Variants in WNT2B observed in about 807,000 individuals in gnomAD.
WNT2B encodes protein Wnt-2b.
WNT2B carries 19 observed loss-of-function variants against 40.5 expected under a neutral mutation model. That is an observed-to-expected ratio of 0.47 (90% confidence interval 0.33 to 0.69). The LOEUF (loss-of-function observed/expected upper bound fraction) is 0.69, where lower values mean the gene tolerates loss of function less well. WNT2B is among the 30% of genes least tolerant of loss of function. WNT2B has a pLI of 0.02. For synonymous variants in WNT2B, 220 were observed against 211.9 expected, an observed-to-expected ratio of 1.04 and a Z score of -0.33; for missense variants, 467 against 556.4, an observed-to-expected ratio of 0.84 and a Z score of 1.62.
rs1329298221 is a variant in WNT2B at position 112,516,258 on chromosome 1, C to G, written c.522C>G (p.Gly174=). 36 of 1,613,978 alleles carry G rather than the reference C, an allele frequency of 2.2e-5. No homozygotes were observed. Among genetic ancestry groups the G allele is most frequent in the Middle Eastern group, 1.6e-4 (1 of 6,084 alleles). The part of the protein sequence containing the change: ...SVCSCDPYTR[G]RHHDQRGDFD... ...GCAGCTGTGACCCCTACACCCGTGGCCGACACCATGACCAGCGTGGGGACT... is the reference window on the plus strand; with the variant it reads ...GCAGCTGTGACCCCTACACCCGTGGGCGACACCATGACCAGCGTGGGGACT... Residue 174 remains glycine, a synonymous_variant, in exon 3 of 5, where the codon GGC becomes GGG. Coordinates refer to ENST00000369684, the MANE Select transcript of WNT2B (RefSeq NM_024494.3).
chr1:112,491,007 C>T, intron 1 of WNT2B: 3 of 1,613,992 alleles, frequency 1.9e-6, no homozygotes, highest in Non-Finnish European at 2.5e-6. Context: ...TCTTTTCCGA[C>T]CAGACTGAAG....
intron 1 of WNT2B, among the ~76,000 whole-genome samples, chr1:112,474,144 C>T (rs549062790): frequency 1.3e-4 from 19 of 151,474 alleles, no homozygotes; most frequent in African/African-American, 3.6e-4. Flanking sequence ...AAAGAGAATG[C>T]TTTTTTATTT....
At chr1:112,474,591 A>G (rs372576552) in intron 1 of WNT2B, among the ~76,000 whole-genome samples, 3 of 152,246 alleles carry the variant, frequency 2.0e-5, no homozygotes, top group African/African-American at 7.2e-5. Context: ...GAGGAAAAAA[A>G]CTGTCAACCT....
chr1:112,480,427 A>G (rs1651192277), intron 1 of WNT2B, among the ~76,000 whole-genome samples: 1 of 152,068 alleles, frequency 6.6e-6, no homozygotes. Flanking sequence ...AAAGATGTAT[A>G]AAGGACTATT....
chr1:112,489,609 A>G (rs1024646340), intron 1 of WNT2B, among the ~76,000 whole-genome samples: 1 of 152,100 alleles, frequency 6.6e-6, no homozygotes, highest in Non-Finnish European at 1.5e-5. Context: ...AGTCCATTGC[A>G]TTATTCCCAG....
At chr1:112,488,680 T>A (rs1285156633) in intron 1 of WNT2B, among the ~76,000 whole-genome samples, 5 of 151,626 alleles carry the variant, frequency 3.3e-5, no homozygotes, top group Non-Finnish European at 7.4e-5. Flanking sequence ...GCCTCCCGAG[T>A]AGCTGGGACT....
chr1:112,484,290 T>TATATATATATAC lies in WNT2B; in HGVS notation c.-95+16700_-95+16701insTATATATATACA, dbSNP rs1294363726. ...ATATACACATATATATATATATATATACACACACATATATATAGAGAGAGA... is the reference window on the plus strand; with the variant it reads ...ATATACACATATATATATATATATATATATATATATACACACACACATATATATAGAGAGAGA... On this transcript the variant is annotated intron_variant, in intron 1 of 4. Coordinates refer to the WNT2B transcript ENST00000256640. Among the ~76,000 whole-genome samples, 223 of 125,794 alleles carry TATATATATATAC rather than the reference T, an allele frequency of 1.8e-3. 5 individuals carry two copies. The highest frequency in any genetic ancestry group is 8.0e-3 in the Middle Eastern group (2 of 250). 82.5% of individuals were successfully genotyped at this position (125,794 alleles called of 152,430 possible). A position where few individuals can be genotyped will look rare whatever the true frequency, so the allele number is the denominator to read the frequency against.
rs1185311044 is a variant in WNT2B at position 112,515,254 on chromosome 1, C to T, written c.403+160C>T. Among the ~76,000 whole-genome samples, 4 of 152,220 alleles carry T rather than the reference C, an allele frequency of 2.6e-5. No homozygotes were observed. Among genetic ancestry groups the T allele is most frequent in the Non-Finnish European group, 2.9e-5 (2 of 68,048 alleles). On this transcript the variant is annotated intron_variant, in intron 2 of 4. Transcript: ENST00000369684. The surrounding 1 kb of genome is among the most constrained non-coding windows in gnomAD (Gnocchi z 4.4). ...CCCAGGATATAATTGGGAACAGACT[C>T]TTAGCATCTTAGATTTGTAGACAGG... is the stretch of plus-strand genomic sequence containing the variant.
Position 112,522,920 on chromosome 1 carries a change from T to A in WNT2B, c.*2411T>A, listed in dbSNP as rs140121447. On this transcript the variant is annotated 3_prime_UTR_variant, in exon 5 of 5. Transcript: ENST00000369684. Reference sequence around the variant, plus strand: ...TGGGAGGGGAAGAGAACAGCTGACATCTTGAGGAAAGCTTTGGGGTAGTGG... The same window carrying A: ...TGGGAGGGGAAGAGAACAGCTGACAACTTGAGGAAAGCTTTGGGGTAGTGG... The A allele has an allele frequency of 1.3e-5, 2 of 152,080 alleles. No individual in the cohort carries two copies. The highest frequency in any genetic ancestry group is 2.9e-5 in the Non-Finnish European group (2 of 68,034). The allele number at this position is 152,080 out of a possible 1,614,324, so 9.4% of individuals were successfully genotyped here.
chr1:112,509,083 A>C lies in WNT2B; in HGVS notation c.-180A>C. 2 of 1,346,502 alleles carry C rather than the reference A, an allele frequency of 1.5e-6. No individual in the cohort carries two copies. The highest frequency in any genetic ancestry group is 2.0e-5 in the South Asian group (1 of 51,120). 83.4% of individuals were successfully genotyped at this position (1,346,502 alleles called of 1,614,324 possible). A position where few individuals can be genotyped will look rare whatever the true frequency, so the allele number is the denominator to read the frequency against. ...GCCGTCGTCGGCTTCCGGACATCGC[A>C]ACTTGCGCCCCTCTCGGGGATCCTC... On this transcript the variant is annotated 5_prime_UTR_variant, in exon 1 of 5. Coordinates refer to ENST00000369684, the MANE Select transcript of WNT2B (RefSeq NM_024494.3). The surrounding 1 kb of genome is among the most constrained non-coding windows in gnomAD (Gnocchi z 4.2).
upstream of WNT2B, among the ~76,000 whole-genome samples, chr1:112,507,293 C>G (rs1652137062): frequency 6.6e-6 from 1 of 152,186 alleles, no homozygotes. Context: ...TATCCTCCTG[C>G]AATAGAAGGC....
intron 1 of WNT2B, among the ~76,000 whole-genome samples, chr1:112,493,731 G>A (rs188024144): frequency 1.3e-5 from 2 of 152,216 alleles, no homozygotes; most frequent in East Asian, 3.9e-4. Context: ...CATGTATAAT[G>A]AGAATACCAT....
intron 1 of WNT2B, among the ~76,000 whole-genome samples, chr1:112,487,117 C>T (rs758212701): frequency 1.3e-5 from 2 of 152,128 alleles, no homozygotes; most frequent in African/African-American, 4.8e-5. Flanking sequence ...TATATCCATA[C>T]AATGGAATAC....
intron 1 of WNT2B, among the ~76,000 whole-genome samples, chr1:112,493,744 A>G (rs930818939): frequency 1.3e-5 from 2 of 152,222 alleles, no homozygotes; most frequent in Non-Finnish European, 2.9e-5. Context: ...AATACCATAA[A>G]GAGAAAAAAT....
rs555256129 is a variant in WNT2B, at chr1:112,494,804, T to C, written c.-94-20070T>C. ...AAATAATAGGTCAGAAACGTGGATCTACTTAAAGGAAGAAAGAACATCAGA... is the reference window on the plus strand; with the variant it reads ...AAATAATAGGTCAGAAACGTGGATCCACTTAAAGGAAGAAAGAACATCAGA... On this transcript the variant is annotated intron_variant, in intron 1 of 4. Coordinates refer to the WNT2B transcript ENST00000256640. Among the ~76,000 whole-genome samples the C allele has an allele frequency of 1.2e-3, 177 of 151,646 alleles. 2 individuals carry two copies. The highest frequency in any genetic ancestry group is 1.7e-3 in the Admixed American group (26 of 15,276).
rs1189184715 is a variant in WNT2B, at chr1:112,529,319, C to T, written c.*8810C>T. 6.6e-6 allele frequency: 1 copy of T among 152,132 alleles called. No homozygotes were observed. The highest frequency in any genetic ancestry group is 1.5e-5 in the Non-Finnish European group (1 of 68,016). The allele number at this position is 152,132 out of a possible 1,614,324, so 9.4% of individuals were successfully genotyped here. A position where few individuals can be genotyped will look rare whatever the true frequency, so the allele number is the denominator to read the frequency against. ...TTGTTAGTATCATCTTAGTTCTCTT[C>T]CCTCCCCTAGGTAGTTTATAAAGGG... On this transcript the variant is annotated 3_prime_UTR_variant, in exon 5 of 5. Coordinates refer to ENST00000369684, the MANE Select transcript of WNT2B (RefSeq NM_024494.3).
intron 1 of WNT2B, among the ~76,000 whole-genome samples, chr1:112,480,716 T>A (rs982533367): frequency 6.6e-5 from 10 of 152,178 alleles, no homozygotes; most frequent in African/African-American, 2.4e-4. Context: ...AAGGGAACAC[T>A]TCAGAAGTTA....
intron 4 of WNT2B, 55 bp downstream of exon 4, chr1:112,517,440 C>T: frequency 1.3e-6 from 2 of 1,552,292 alleles, no homozygotes; most frequent in Middle Eastern, 1.7e-4. Context: ...TGCAGGCACC[C>T]CTGGTTAATC....
In WNT2B at chr1:112,515,005, G is replaced by A. The variant is rs777966696; in HGVS notation, c.314G>A (p.Arg105Gln). ...SVGEGAREWI[R>Q]ECQHQFRHHR... The stretch of plus-strand genomic sequence containing the variant: ...GGCGAGGGTGCCCGAGAATGGATCC[G>A]AGAGTGTCAGCACCAATTCCGCCAC... Residue 105 changes from arginine to glutamine, a missense_variant, in exon 2 of 5, where the codon CGA becomes CAA. Arg to Gln is a conservative substitution (Grantham distance 43). Transcript: ENST00000369684. The surrounding 1 kb of genome is among the most constrained non-coding windows in gnomAD (Gnocchi z 4.4). 17 of 1,614,084 alleles carry A rather than the reference G, an allele frequency of 1.1e-5. No individual in the cohort carries two copies. In the East Asian group the frequency reaches 1.6e-4, roughly 15 times the overall value.
Sources: gnomAD v4.1 joint callset for allele counts (sites outside exome capture counted in the v4.1 genomes callset) on GRCh38, gnomAD v4.1.1 for gene constraint, Gnocchi (gnomAD v3.1) non-coding constraint, MANE v1.5 for transcripts, NCBI Gene and HGNC (gene_info 2026-07-23, HGNC 2026-07-21) for gene names.